Variants in COL10A1 observed in about 807,000 individuals in gnomAD.
COL10A1 encodes the protein collagen alpha-1(X) chain.
In COL10A1, 10 loss-of-function variants were observed where a neutral mutation model predicts 18.2. The ratio of observed to expected loss-of-function variants is 0.55; its 90% CI spans 0.34 to 0.93. COL10A1 has a LOEUF of 0.93. Among genes scored for constraint, COL10A1 ranks in the 40% least tolerant of loss-of-function variants. COL10A1 has a pLI of 0.02. For missense variants in COL10A1, 897 were observed against 853.5 expected (o/e 1.05, Z -0.64); for synonymous variants, 330 against 316.6 (o/e 1.04, Z -0.45).
chr6:116,138,703 A>G (rs139036866), intron 1 of COL10A1, among the ~76,000 whole-genome samples: 8 of 152,286 alleles, frequency 5.3e-5, no homozygotes, highest in Middle Eastern at 3.4e-3. Context: ...CTTTTGAATT[A>G]TTACTAATAT....
chr6:116,135,872 T>TATATATATATACACACAC (rs368675402), intron 1 of COL10A1, among the ~76,000 whole-genome samples: 1 of 121,312 alleles, frequency 8.2e-6, no homozygotes, highest in African/African-American at 3.5e-5. Context: ...TATATATATA[T>TATATATATATACACACAC]ACACACATAC....
the COL10A1 span, among the ~76,000 whole-genome samples, chr6:116,207,736 A>G: frequency 1.3e-5 from 2 of 151,964 alleles, no homozygotes; most frequent in African/African-American, 4.8e-5. Flanking sequence ...CCATTACTCA[A>G]CTGTGAACCC....
At chr6:116,202,717 A>G in the COL10A1 span, among the ~76,000 whole-genome samples, 2 of 152,036 alleles carry the variant, frequency 1.3e-5, no homozygotes, top group Admixed American at 6.6e-5. Flanking sequence ...ACTGCAGTGT[A>G]CAGTTTCATA....
chr6:116,175,858 T>C, the COL10A1 span, among the ~76,000 whole-genome samples: 1 of 152,208 alleles, frequency 6.6e-6, no homozygotes, highest in Non-Finnish European at 1.5e-5. Flanking sequence ...TCTTAGTCAT[T>C]TTTAAGTCCC....
the COL10A1 span, among the ~76,000 whole-genome samples, chr6:116,191,646 C>T: frequency 1.6e-4 from 24 of 151,990 alleles, no homozygotes; most frequent in Non-Finnish European, 2.9e-4. Context: ...TACAGTCTGT[C>T]TAAACTAACT....
At chr6:116,132,448 A>G (rs1334885927) in intron 1 of COL10A1, among the ~76,000 whole-genome samples, 1 of 150,208 alleles carries the variant, frequency 6.7e-6, no homozygotes, top group African/African-American at 2.5e-5. Context: ...TTCCCAGTTT[A>G]TTTGTCTTTT....
chr6:116,135,680 A>G (rs1582825416), intron 1 of COL10A1, among the ~76,000 whole-genome samples: 1 of 151,204 alleles, frequency 6.6e-6, no homozygotes, highest in Non-Finnish European at 1.5e-5. Context: ...CCTGATATAT[A>G]TGCTGCTGGC....
chr6:116,147,942 C>T (rs1262230280), intron 1 of COL10A1, among the ~76,000 whole-genome samples: 6 of 151,130 alleles, frequency 4.0e-5, no homozygotes, highest in Non-Finnish European at 7.4e-5. Context: ...GCTGAGATCG[C>T]GCCACTGCAC....
chr6:116,167,646 C>T, the COL10A1 span, among the ~76,000 whole-genome samples: 17 of 151,986 alleles, frequency 1.1e-4, no homozygotes, highest in East Asian at 2.9e-3. Context: ...ACCCTTCTAC[C>T]CTTCGTTAGT....
At chr6:116,123,056 A>C (rs1779183156) in intron 2 of COL10A1, among the ~76,000 whole-genome samples, 1 of 152,220 alleles carries the variant, frequency 6.6e-6, no homozygotes, top group Non-Finnish European at 1.5e-5. Context: ...GGAATTTTTT[A>C]ATGGGTTGGA....
At chr6:116,197,522 G>A in the COL10A1 span, among the ~76,000 whole-genome samples, 3 of 151,972 alleles carry the variant, frequency 2.0e-5, no homozygotes, top group Non-Finnish European at 2.9e-5. Context: ...CAAACAGCCA[G>A]GTACAGCGGT....
upstream of COL10A1, among the ~76,000 whole-genome samples, chr6:116,126,729 CT>C (rs1779324373): frequency 6.6e-6 from 1 of 152,036 alleles, no homozygotes. Context: ...TTTGGGTTTA[CT>C]TTAGAGTTGC....
chr6:116,166,638 T>C, the COL10A1 span, among the ~76,000 whole-genome samples: 6 of 152,202 alleles, frequency 3.9e-5, no homozygotes, highest in Admixed American at 3.3e-4. Context: ...CTTTTCTACA[T>C]GCTGATAAAA....
chr6:116,178,070 TGTGTGTGTGTGTGTGTGTGC>T, the COL10A1 span, among the ~76,000 whole-genome samples: 15 of 110,640 alleles, frequency 1.4e-4, no homozygotes, highest in Non-Finnish European at 1.9e-4. Flanking sequence ...TGTGTGTGTG[TGTGTGTGTGTGTGTGTGTGC>T]GCGCGCGCGC....
At chr6:116,212,085 T>C in the COL10A1 span, among the ~76,000 whole-genome samples, 1 of 152,138 alleles carries the variant, frequency 6.6e-6, no homozygotes, top group African/African-American at 2.4e-5. Context: ...AATTATTTCA[T>C]TATTCTAATA....
chr6:116,163,141 A>AAAATATATATATATATATATAT (rs761718922), upstream of COL10A1, among the ~76,000 whole-genome samples: 2 of 88,408 alleles, frequency 2.3e-5, no homozygotes, highest in Admixed American at 1.3e-4. Flanking sequence ...AAAAAAAAAA[A>AAAATATATATATATATATATAT]ATATATATAT....
chr6:116,140,388 G>T (rs1779737417), intron 1 of COL10A1, among the ~76,000 whole-genome samples: 1 of 151,662 alleles, frequency 6.6e-6, no homozygotes, highest in South Asian at 2.1e-4. Context: ...TTACATTCCT[G>T]GTTTCCACAA....
chr6:116,121,344 G>T lies in COL10A1; in HGVS notation c.772C>A (p.Arg258=), dbSNP rs765628474. ...PPGPQGPPGE[R]GPEGIGKPGA... ...GGCTTTCCAATGCCTTCTGGCCCTCGTTCCCCAGGAGGGCCTTGGGGACCT... is the reference window on the plus strand; with the variant it reads ...GGCTTTCCAATGCCTTCTGGCCCTCTTTCCCCAGGAGGGCCTTGGGGACCT... The change falls in exon 3 of 3, where the codon CGA becomes AGA. Residue 258 remains arginine, a synonymous_variant. Transcript: ENST00000651968. 2 of 1,613,890 alleles carry T rather than the reference G, an allele frequency of 1.2e-6. No homozygotes were observed. The highest frequency in any genetic ancestry group is 2.2e-5 in the South Asian group (2 of 91,066).
At chr6:116,197,064 A>G in the COL10A1 span, among the ~76,000 whole-genome samples, 1 of 151,754 alleles carries the variant, frequency 6.6e-6, no homozygotes, top group Non-Finnish European at 1.5e-5. Context: ...CCATAGCCTC[A>G]GAGCCAGAGG....
Sources: gnomAD v4.1 joint callset for allele counts (sites outside exome capture counted in the v4.1 genomes callset) on GRCh38, gnomAD v4.1.1 for gene constraint, MANE v1.5 for transcripts, NCBI Gene and HGNC (gene_info 2026-07-23, HGNC 2026-07-21) for gene names.